The following GHR variants were observed in gnomAD, a reference collection of about 807,000 sequenced individuals.
The protein encoded by GHR is growth hormone receptor, also known as GH receptor.
A neutral mutation model predicts 67.1 loss-of-function variants in GHR; 35 were observed. The ratio of observed to expected loss-of-function variants is 0.52; its 90% CI spans 0.40 to 0.69. GHR has a LOEUF of 0.69. GHR is among the 30% of genes least tolerant of loss of function. The pLI is 0.00. For missense variants in GHR, 792 were observed against 764.6 expected (o/e 1.04, Z -0.42); for synonymous variants, 272 against 269.1 (o/e 1.01, Z -0.10).
At chr5:42,685,313 T>C (rs1757085729) in intron 3 of GHR, among the ~76,000 whole-genome samples, 1 of 152,216 alleles carries the variant, frequency 6.6e-6, no homozygotes, top group Non-Finnish European at 1.5e-5. Context: ...ATGGTGCATA[T>C]ATGCAACATT....
At chr5:42,660,118 G>C (rs1022170964) in intron 3 of GHR, among the ~76,000 whole-genome samples, 1 of 152,164 alleles carries the variant, frequency 6.6e-6, no homozygotes, top group Non-Finnish European at 1.5e-5. Flanking sequence ...TCTCGAACTG[G>C]GTGGAGCCCA....
intron 4 of GHR, among the ~76,000 whole-genome samples, chr5:42,693,794 G>C (rs1757541100): frequency 6.6e-6 from 1 of 152,144 alleles, no homozygotes; most frequent in Non-Finnish European, 1.5e-5. Context: ...CCTGCACAGG[G>C]CCATTCCTAC....
At chr5:42,679,854 G>T (rs1478000757) in intron 3 of GHR, among the ~76,000 whole-genome samples, 2 of 152,090 alleles carry the variant, frequency 1.3e-5, no homozygotes, top group Non-Finnish European at 2.9e-5. Context: ...AGCCGTAGTT[G>T]CTGTCATATT....
At chr5:42,638,129 C>T (rs529894644) in intron 3 of GHR, among the ~76,000 whole-genome samples, 3 of 152,068 alleles carry the variant, frequency 2.0e-5, no homozygotes, top group East Asian at 1.9e-4. Context: ...TTAGTAGAGA[C>T]GGGATTTCAC....
At chr5:42,520,228 AG>A (rs1194955660) in intron 1 of GHR, among the ~76,000 whole-genome samples, 1 of 152,166 alleles carries the variant, frequency 6.6e-6, no homozygotes, top group Admixed American at 6.5e-5. Flanking sequence ...AGTCACACAT[AG>A]GTTAACAGTG....
chr5:42,655,127 G>A (rs944975464), intron 3 of GHR, among the ~76,000 whole-genome samples: 5 of 152,054 alleles, frequency 3.3e-5, no homozygotes, highest in African/African-American at 9.7e-5. Flanking sequence ...CTTTATGGAC[G>A]TTCATCCAAA....
At chr5:42,602,394 A>G (rs781482613) in intron 2 of GHR, among the ~76,000 whole-genome samples, 3 of 152,132 alleles carry the variant, frequency 2.0e-5, no homozygotes, top group Non-Finnish European at 4.4e-5. Context: ...CTTTTACTGT[A>G]TGTATGTACT....
chr5:42,621,894 CAG>C (rs2112715923), intron 2 of GHR, among the ~76,000 whole-genome samples: 1 of 152,210 alleles, frequency 6.6e-6, no homozygotes, highest in Admixed American at 6.5e-5. Flanking sequence ...TGGAAGGGCT[CAG>C]AGATTTCCTG....
At chr5:42,701,738 C>G (rs937214641) in intron 6 of GHR, among the ~76,000 whole-genome samples, 1 of 152,054 alleles carries the variant, frequency 6.6e-6, no homozygotes, top group African/African-American at 2.4e-5. Context: ...TATTTGAAGA[C>G]TTTTCTTGAA....
In GHR at chr5:42,612,638, T is replaced by C. The variant is rs367670997; in HGVS notation, c.71-16400T>C. On this transcript the variant is annotated intron_variant, in intron 2 of 9. Transcript: ENST00000230882. ...TGTCATTTCTTTCTCTTATTATCTG[T>C]ATTCTCAGAAACAAAGAGTATAAAC... 7.9e-5 allele frequency among the ~76,000 whole-genome samples: 12 copies of C among 152,302 alleles called. No homozygotes were observed. The East Asian group carries it at 2.1e-3, about 27-fold the overall frequency.
At chr5:42,699,778 T>G (rs201878825) in intron 5 of GHR, 46 bp from the exon 6 acceptor site, 2 of 1,279,092 alleles carry the variant, frequency 1.6e-6, no homozygotes, top group African/African-American at 1.5e-5. Context: ...TCCATTAATA[T>G]TAAATTGTGT....
intron 3 of GHR, among the ~76,000 whole-genome samples, chr5:42,673,291 ACG>A (rs1416791889): frequency 4.6e-5 from 7 of 152,206 alleles, no homozygotes; most frequent in Non-Finnish European, 1.0e-4. Flanking sequence ...AAAAAAGTGA[ACG>A]CTCATACACG....
intron 1 of GHR, among the ~76,000 whole-genome samples, chr5:42,477,270 C>T (rs1290748740): frequency 6.6e-6 from 1 of 152,086 alleles, no homozygotes; most frequent in Non-Finnish European, 1.5e-5. Context: ...TTTGCTTAAT[C>T]CAGTCTATCA....
intron 1 of GHR, among the ~76,000 whole-genome samples, chr5:42,427,276 T>C (rs183023041): frequency 6.6e-6 from 1 of 152,344 alleles, no homozygotes; most frequent in East Asian, 1.9e-4. Flanking sequence ...TTTAATGGAT[T>C]CACAGTTCCA....
rs142762942 is a variant in GHR, at chr5:42,665,939, A to G, written c.137-22951A>G. On this transcript the variant is annotated intron_variant, in intron 3 of 9. Transcript: ENST00000230882. ...GATCTCATGAGACTTATTCACTGTC[A>G]TGAGAACAGCACAAGAAAAACCTGC... Among the ~76,000 whole-genome samples, 793 of 152,162 alleles carry G rather than the reference A, an allele frequency of 5.2e-3. 3 individuals carry two copies. Among genetic ancestry groups the G allele is most frequent in the African/African-American group, 0.019 (770 of 41,514 alleles).
intron 3 of GHR, among the ~76,000 whole-genome samples, chr5:42,643,427 G>A (rs1754576723): frequency 6.6e-6 from 1 of 152,286 alleles, no homozygotes; most frequent in South Asian, 2.1e-4. Flanking sequence ...AATGACTAAA[G>A]GAATACATGC....
intron 3 of GHR, among the ~76,000 whole-genome samples, chr5:42,666,738 G>T (rs1043530558): frequency 1.3e-5 from 2 of 152,132 alleles, no homozygotes; most frequent in Admixed American, 6.6e-5. Flanking sequence ...CTTATCAAAA[G>T]TGCAGTATTT....
At chr5:42,690,374 C>T (rs890771671) in intron 4 of GHR, among the ~76,000 whole-genome samples, 4 of 152,166 alleles carry the variant, frequency 2.6e-5, no homozygotes, top group South Asian at 2.1e-4. Flanking sequence ...GGACTTGCCT[C>T]ATGACTTCTT....
At chr5:42,626,118 C>T (rs961162331) in intron 2 of GHR, among the ~76,000 whole-genome samples, 1 of 152,064 alleles carries the variant, frequency 6.6e-6, no homozygotes, top group Admixed American at 6.5e-5. Flanking sequence ...AATCTCTCCC[C>T]ACACAAATTC....
Sources: gnomAD v4.1 joint callset for allele counts (sites outside exome capture counted in the v4.1 genomes callset) on GRCh38, gnomAD v4.1.1 for gene constraint, MANE v1.5 for transcripts, NCBI Gene and HGNC (gene_info 2026-07-23, HGNC 2026-07-21) for gene names.